Variants in NRXN3 observed in about 807,000 individuals in gnomAD.
The protein encoded by NRXN3 is neurexin III.
In NRXN3, 32 loss-of-function variants were observed where a neutral mutation model predicts 137.6. The observed-to-expected ratio is 0.23, with a 90% CI of 0.18 to 0.31. The LOEUF (loss-of-function observed/expected upper bound fraction) is 0.31, where lower values mean the gene tolerates loss of function less well. Ranked by LOEUF, NRXN3 falls within the 10% of genes least tolerant of loss-of-function variation. NRXN3 has a pLI of 1.00. For synonymous variants in NRXN3, 798 were observed against 784.5 expected (o/e 1.02, Z -0.29); for missense variants, 1,574 against 2,062.5 (o/e 0.76, Z 4.59).
rs36149812 is a variant in NRXN3, at chr14:78,702,523, C to A, written c.1222-6694C>A. ...GTAGTGGTGCGATATCAGCTCACTG[C>A]AACCTCCACCTCCGGAGTTCAAGTG... On this transcript the variant is annotated intron_variant, in intron 6 of 20. Transcript: ENST00000335750. 6.1e-4 allele frequency among the ~76,000 whole-genome samples: 87 copies of A among 143,562 alleles called. 2 individuals are homozygous for A. Among genetic ancestry groups the A allele is most frequent in the South Asian group, 2.4e-3 (11 of 4,566 alleles). 94.2% of individuals were successfully genotyped at this position (143,562 alleles called of 152,430 possible). A position where few individuals can be genotyped will look rare whatever the true frequency, so the allele number is the denominator to read the frequency against.
chr14:79,683,619 C>G (rs1467193443), intron 17 of NRXN3, among the ~76,000 whole-genome samples: 1 of 152,070 alleles, frequency 6.6e-6, no homozygotes, highest in Non-Finnish European at 1.5e-5. Flanking sequence ...AATTTGATAG[C>G]AGCTTAGTTG....
At chr14:79,483,669 T>C (rs1450654227) in intron 16 of NRXN3, among the ~76,000 whole-genome samples, 1 of 152,176 alleles carries the variant, frequency 6.6e-6, no homozygotes, top group Non-Finnish European at 1.5e-5. Flanking sequence ...TGGATGTGGT[T>C]GGTCAGAAGG....
At chr14:79,524,305 A>G (rs2097097980) in intron 16 of NRXN3, among the ~76,000 whole-genome samples, 1 of 152,210 alleles carries the variant, frequency 6.6e-6, no homozygotes, top group South Asian at 2.1e-4. Flanking sequence ...TTTCTCCAGA[A>G]CTATACAATC....
intron 11 of NRXN3, among the ~76,000 whole-genome samples, chr14:78,959,863 G>A (rs919881779): frequency 6.6e-6 from 1 of 152,004 alleles, no homozygotes; most frequent in Non-Finnish European, 1.5e-5. Context: ...ATTCACAGCC[G>A]CTTCTGAAAA....
chr14:79,554,208 C>A (rs1451379298), intron 16 of NRXN3, among the ~76,000 whole-genome samples: 1 of 152,006 alleles, frequency 6.6e-6, no homozygotes, highest in Non-Finnish European at 1.5e-5. Flanking sequence ...CCGGAGGATT[C>A]CTGAAGGTCT....
chr14:79,473,606 A>G (rs2096533902), intron 16 of NRXN3, among the ~76,000 whole-genome samples: 1 of 152,186 alleles, frequency 6.6e-6, no homozygotes, highest in Non-Finnish European at 1.5e-5. Flanking sequence ...AGTACAGAAG[A>G]ATGTTGGTGT....
intron 15 of NRXN3, among the ~76,000 whole-genome samples, chr14:79,252,449 G>A (rs1237378161): frequency 6.6e-6 from 1 of 152,076 alleles, no homozygotes; most frequent in Non-Finnish European, 1.5e-5. Flanking sequence ...TCTTGTAGTT[G>A]ACATCTTGTT....
At chr14:78,471,335 C>CAAGAA (rs1185104839) in intron 4 of NRXN3, among the ~76,000 whole-genome samples, 1 of 5,318 alleles carries the variant, frequency 1.9e-4, no homozygotes, top group African/African-American at 6.2e-4. Flanking sequence ...CACACACACC[C>CAAGAA]CCAAGAAATT....
intron 4 of NRXN3, among the ~76,000 whole-genome samples, chr14:78,395,339 T>C (rs1301585952): frequency 1.3e-5 from 2 of 152,008 alleles, no homozygotes; most frequent in Admixed American, 1.3e-4. Flanking sequence ...TACAACTGTT[T>C]ACTTGTTTTT....
intron 15 of NRXN3, among the ~76,000 whole-genome samples, chr14:79,426,885 A>G (rs991140062): frequency 3.3e-5 from 5 of 152,220 alleles, no homozygotes; most frequent in Non-Finnish European, 5.9e-5. Context: ...TAAACTTGTC[A>G]GTAAGAATTC....
At chr14:78,438,846 G>C (rs545300273) in intron 4 of NRXN3, among the ~76,000 whole-genome samples, 1 of 151,982 alleles carries the variant, frequency 6.6e-6, no homozygotes, top group Non-Finnish European at 1.5e-5. Context: ...TTCAATGAGA[G>C]GGTTGTCAGC....
At position 78,555,211 on chromosome 14, in the gene NRXN3, T is replaced by C. The variant is rs1349310143; in HGVS notation, c.758-89909T>C. Among the ~76,000 whole-genome samples, 5 of 152,300 alleles carry C rather than the reference T, an allele frequency of 3.3e-5. No individual in the cohort carries two copies. In the East Asian group the frequency reaches 9.7e-4, roughly 29 times the overall value. On this transcript the variant is annotated intron_variant, in intron 4 of 20. Coordinates refer to ENST00000335750, the MANE Select transcript of NRXN3 (RefSeq NM_001330195.2). Reference sequence around the variant, plus strand: ...ACTAAGCACAAAATAAATAGCACTATGACATTTAACACTATAACATTTAAC... The same window carrying C: ...ACTAAGCACAAAATAAATAGCACTACGACATTTAACACTATAACATTTAAC...
intron 10 of NRXN3, among the ~76,000 whole-genome samples, chr14:78,852,129 T>C (rs940130139): frequency 6.6e-6 from 1 of 152,136 alleles, no homozygotes; most frequent in African/African-American, 2.4e-5. Context: ...ATATATGAAA[T>C]GATATCTGGC....
chr14:79,555,432 A>G (rs532484392), intron 16 of NRXN3, among the ~76,000 whole-genome samples: 2 of 152,262 alleles, frequency 1.3e-5, no homozygotes, highest in Admixed American at 6.5e-5. Context: ...GTAGCAGGCA[A>G]TGTATGAGAT....
chr14:78,722,241 G>T (rs2098463510), intron 8 of NRXN3, among the ~76,000 whole-genome samples: 1 of 152,258 alleles, frequency 6.6e-6, no homozygotes. Flanking sequence ...TCAGCACTTT[G>T]GTGCAGTGTG....
At chr14:78,905,739 C>G (rs1185673555) in intron 10 of NRXN3, among the ~76,000 whole-genome samples, 1 of 151,982 alleles carries the variant, frequency 6.6e-6, no homozygotes, top group Non-Finnish European at 1.5e-5. Flanking sequence ...TGTTATGTTA[C>G]TCTTCTACAA....
At chr14:79,708,971 G>C (rs1235090520) in intron 19 of NRXN3, among the ~76,000 whole-genome samples, 2 of 151,768 alleles carry the variant, frequency 1.3e-5, no homozygotes, top group African/African-American at 4.8e-5. Context: ...CTTATTATGT[G>C]TGTGTGTGTG....
In NRXN3 at chr14:79,537,758, G is replaced by A. The variant is rs149199207; in HGVS notation, c.3444+70356G>A. 9.7e-3 allele frequency among the ~76,000 whole-genome samples: 1,477 copies of A among 152,258 alleles called. 63 individuals carry two copies. The East Asian group carries it at 0.13, about 13-fold the overall frequency. ...ATAGTGCCGCAATAAACATATGTGTGCATGTGTCTTTATAGCACCATGATT... is the reference window on the plus strand; with the variant it reads ...ATAGTGCCGCAATAAACATATGTGTACATGTGTCTTTATAGCACCATGATT... On this transcript the variant is annotated intron_variant, in intron 16 of 20. Transcript: ENST00000335750.
intron 14 of NRXN3, among the ~76,000 whole-genome samples, chr14:78,970,222 T>C (rs2099432101): frequency 6.6e-6 from 1 of 152,218 alleles, no homozygotes; most frequent in African/African-American, 2.4e-5. Context: ...TCTATGTCAG[T>C]GTTTTCCAAT....
Sources: allele counts gnomAD v4.1 joint callset (sites outside exome capture counted in the v4.1 genomes callset), GRCh38; gene constraint gnomAD v4.1.1; transcripts MANE v1.5; gene names NCBI Gene and HGNC (gene_info 2026-07-23, HGNC 2026-07-21).